MAP4K5: variants seen among roughly 807,000 people sequenced by gnomAD.
MAP4K5 encodes the protein MAPK/ERK kinase kinase kinase 5.
In MAP4K5, 82 loss-of-function variants were observed where a neutral mutation model predicts 135.6. The observed-to-expected ratio is 0.60, with a 90% CI of 0.51 to 0.73. The LOEUF is 0.73. Ranked by LOEUF, MAP4K5 falls within the 30% of genes least tolerant of loss-of-function variation. MAP4K5 has a pLI of 0.00. For synonymous variants in MAP4K5, 347 were observed against 335.0 expected (o/e 1.04, Z -0.39); for missense variants, 907 against 1,010.9 (o/e 0.90, Z 1.39).
At chr14:50,545,308 C>T (rs911640898) in intron 1 of MAP4K5, among the ~76,000 whole-genome samples, 1 of 152,148 alleles carries the variant, frequency 6.6e-6, no homozygotes, top group African/African-American at 2.4e-5. Context: ...ACGTTTTGGT[C>T]TCAGCTCCCT....
chr14:50,547,451 C>G (rs961516561), intron 1 of MAP4K5, among the ~76,000 whole-genome samples: 8 of 152,110 alleles, frequency 5.3e-5, no homozygotes, highest in Admixed American at 1.3e-4. Context: ...AGGACGGAGT[C>G]TGAAAATAAA....
chr14:50,433,383 T>C (rs1235549628), intron 28 of MAP4K5, among the ~76,000 whole-genome samples: 1 of 152,130 alleles, frequency 6.6e-6, no homozygotes, highest in Admixed American at 6.6e-5. Flanking sequence ...TTCAGGAATT[T>C]TGTAAGCCAA....
intron 13 of MAP4K5, 23 bp from the exon 14 acceptor site, chr14:50,456,617 T>C: frequency 1.4e-6 from 2 of 1,421,182 alleles, no homozygotes; most frequent in South Asian, 1.4e-5. Context: ...GCATAATATA[T>C]ATACTTTAAC....
At chr14:50,476,537 T>C (rs2037103141) in intron 6 of MAP4K5, among the ~76,000 whole-genome samples, 1 of 152,224 alleles carries the variant, frequency 6.6e-6, no homozygotes, top group African/African-American at 2.4e-5. Context: ...TTTGGCTCAC[T>C]GCAGCTGCCA....
chr14:50,428,812 CTT>C, intron 29 of MAP4K5, 58 bp from the exon 30 acceptor site: 2 of 792,256 alleles, frequency 2.5e-6, no homozygotes, highest in Non-Finnish European at 4.0e-6. Flanking sequence ...ATAAATGTAA[CTT>C]GATATATGTG....
chr14:50,532,251 C>G, intron 1 of MAP4K5, 93 bp from the exon 2 acceptor site: 1 of 526,454 alleles, frequency 1.9e-6, no homozygotes, highest in Non-Finnish European at 3.3e-6. Context: ...CCTTCCGTCC[C>G]GCCAGGGGCC....
chr14:50,478,895 A>C (rs2037168476), intron 6 of MAP4K5, among the ~76,000 whole-genome samples: 1 of 152,082 alleles, frequency 6.6e-6, no homozygotes, highest in Admixed American at 6.5e-5. Context: ...CTAACAATAA[A>C]TATTCCTTGT....
chr14:50,486,129 C>A lies in MAP4K5; in HGVS notation c.232G>T (p.Val78Phe). The A allele has an allele frequency of 7.1e-7, 1 of 1,401,914 alleles. No homozygotes were observed. The highest frequency in any genetic ancestry group is 9.8e-7 in the Non-Finnish European group (1 of 1,023,520). 86.8% of individuals were successfully genotyped at this position (1,401,914 alleles called of 1,614,324 possible). Residue 78 changes from valine (V) to phenylalanine (F), a missense_variant, in exon 4 of 33, where the codon GTT becomes TTT. Around this residue, in one of 3 missense-constraint regions of MAP4K5, gnomAD observed 196 missense variants for 189.3 expected, o/e 1.04. Coordinates refer to ENST00000682126, the MANE Select transcript of MAP4K5 (RefSeq NM_006575.6). ...CTAAGATAACTCCCAAAGTAGGCAACGATGTTACAATGTTTACATTCTTTA... is the reference window on the plus strand; with the variant it reads ...CTAAGATAACTCCCAAAGTAGGCAAAGATGTTACAATGTTTACATTCTTTA... ...MVKECKHCNI[V>F]AYFGSYLSRE... is the part of the protein sequence containing the mutation.
intron 1 of MAP4K5, among the ~76,000 whole-genome samples, chr14:50,558,906 T>C (rs75484028): frequency 0.017 from 2,514 of 151,840 alleles, 39 homozygotes; most frequent in East Asian, 0.065. Flanking sequence ...TTGGTTACAG[T>C]GTTCACGACT....
At chr14:50,432,464 G>A (rs2035991637) in intron 28 of MAP4K5, among the ~76,000 whole-genome samples, 2 of 151,698 alleles carry the variant, frequency 1.3e-5, no homozygotes, top group African/African-American at 4.9e-5. Context: ...ACAGTAGTTG[G>A]GGGTCTGCTT....
intron 9 of MAP4K5, chr14:50,472,390 A>T (rs1413380783): frequency 6.6e-6 from 1 of 152,190 alleles, no homozygotes; most frequent in Non-Finnish European, 1.5e-5. Flanking sequence ...AACATGAAAA[A>T]AATTATACTG....
intron 12 of MAP4K5, among the ~76,000 whole-genome samples, chr14:50,463,709 C>A (rs1200199791): frequency 6.6e-6 from 1 of 151,766 alleles, no homozygotes; most frequent in Non-Finnish European, 1.5e-5. Context: ...CACGGTGAAA[C>A]CCTGTCTCTA....
In MAP4K5 at chr14:50,486,168, C is replaced by A; in HGVS notation, c.193G>T (p.Glu65Ter). Residue 65 changes from glutamate (E) to a stop codon, truncating the protein, a stop_gained, in exon 4 of 33, where the codon GAA (glutamate) becomes TAA (stop). Coordinates refer to ENST00000682126, the MANE Select transcript of MAP4K5 (RefSeq NM_006575.6). LOFTEE classifies it high-confidence loss of function. ...TTACATTCTTTAACCATAAATATTT[C>A]TTGTTGAATCAAAGAAAAATCATCT... ...PGDDFSLIQQ[E>*]IFMVKECKHC... 1 of 1,371,422 alleles carries A rather than the reference C, an allele frequency of 7.3e-7. No individual in the cohort carries two copies. The highest frequency in any genetic ancestry group is 1.3e-5 in the South Asian group (1 of 74,160). 85.0% of individuals were successfully genotyped at this position (1,371,422 alleles called of 1,614,324 possible).
At chr14:50,445,536 C>G (rs887650346) in intron 17 of MAP4K5, among the ~76,000 whole-genome samples, 2 of 152,088 alleles carry the variant, frequency 1.3e-5, no homozygotes, top group African/African-American at 4.8e-5. Context: ...CAAATATTTT[C>G]TTCAATAAGC....
chr14:50,512,067 T>C (rs577677007), intron 2 of MAP4K5, among the ~76,000 whole-genome samples: 1 of 152,232 alleles, frequency 6.6e-6, no homozygotes, highest in Non-Finnish European at 1.5e-5. Context: ...AATATATCAA[T>C]ATTGGTTCAA....
chr14:50,532,573 C>G (rs966411531), upstream of MAP4K5: 1 of 145,534 alleles, frequency 6.9e-6, no homozygotes, highest in Non-Finnish European at 1.5e-5. Flanking sequence ...CGCGTACAGT[C>G]GCCGCCGCCG....
intron 1 of MAP4K5, among the ~76,000 whole-genome samples, chr14:50,544,575 T>A (rs2038604284): frequency 6.6e-6 from 1 of 152,166 alleles, no homozygotes; most frequent in Non-Finnish European, 1.5e-5. Flanking sequence ...TAGGCATGGA[T>A]GTCTGCTTCT....
In MAP4K5 at chr14:50,437,997, G is replaced by C; in HGVS notation, c.1720C>G (p.Gln574Glu). The change falls in exon 25 of 33, where the codon CAG (glutamine) becomes GAG (glutamate). Residue 574 changes from glutamine (Q) to glutamate (E), a missense_variant. By Grantham distance (29) the Gln-to-Glu change is conservative. This residue lies in a region of MAP4K5 where 690 missense variants were observed against 777.4 expected (regional missense o/e 0.89). Coordinates refer to ENST00000682126, the MANE Select transcript of MAP4K5 (RefSeq NM_006575.6). ...GCTATAAGATTGTGAGAGTAGAGCTGAAAGGTTTTTCCTATAAAAGAAAAA... is the reference window on the plus strand; with the variant it reads ...GCTATAAGATTGTGAGAGTAGAGCTCAAAGGTTTTTCCTATAAAAGAAAAA... ...LMSLSEGKTFQLYSHNLIALF... is the reference protein window; with the variant it reads ...LMSLSEGKTFELYSHNLIALF... The C allele has an allele frequency of 6.3e-7, 1 of 1,594,876 alleles. No homozygotes were observed. The highest frequency in any genetic ancestry group is 1.7e-5 in the Admixed American group (1 of 59,784).
chr14:50,499,730 A>C (rs1183102803), intron 3 of MAP4K5, among the ~76,000 whole-genome samples: 1 of 152,198 alleles, frequency 6.6e-6, no homozygotes, highest in Non-Finnish European at 1.5e-5. Context: ...AATAAATTCA[A>C]GAATCTTAAA....
Sources: gnomAD v4.1 joint callset for allele counts (sites outside exome capture counted in the v4.1 genomes callset) on GRCh38, gnomAD v4.1.1 for gene constraint, gnomAD v4.1.1 regional missense constraint, MANE v1.5 for transcripts, NCBI Gene and HGNC (gene_info 2026-07-23, HGNC 2026-07-21) for gene names.